Variants in MBOAT2 observed in about 807,000 individuals in gnomAD.
The protein encoded by MBOAT2 is membrane-bound glycerophospholipid O-acyltransferase 2.
MBOAT2 carries 28 observed loss-of-function variants against 63.4 expected under a neutral mutation model. That is an observed-to-expected ratio of 0.44 (90% confidence interval 0.33 to 0.61). The LOEUF is 0.61. MBOAT2 is among the 20% of genes least tolerant of loss of function. MBOAT2 has a pLI of 0.03. For missense variants in MBOAT2, 470 were observed against 605.8 expected, an observed-to-expected ratio of 0.78 and a Z score of 2.35; for synonymous variants, 211 against 215.6, an observed-to-expected ratio of 0.98 and a Z score of 0.19.
Position 8,862,204 on chromosome 2 carries a change from C to G in MBOAT2, c.1185+386G>C. On this transcript the variant is annotated intron_variant, in intron 11 of 12. Coordinates refer to ENST00000305997, the MANE Select transcript of MBOAT2 (RefSeq NM_138799.4). This position sits in a 1 kb window ranked among gnomAD's most constrained non-coding sequence, Gnocchi z 4.3. Reference sequence around the variant, plus strand: ...ATCCACTGTCTTGGCCTCGCACAGCCTAGTCTTCATCTGAGAGAGGACTCA... The same window carrying G: ...ATCCACTGTCTTGGCCTCGCACAGCGTAGTCTTCATCTGAGAGAGGACTCA... The G allele has an allele frequency of 1.0e-6, 1 of 959,616 alleles. No homozygotes were observed. Among genetic ancestry groups the G allele is most frequent in the Non-Finnish European group, 1.4e-6 (1 of 715,658 alleles). 59.4% of individuals were successfully genotyped at this position (959,616 alleles called of 1,614,324 possible).
At chr2:8,953,053 C>T (rs1668955666) in intron 2 of MBOAT2, among the ~76,000 whole-genome samples, 1 of 152,132 alleles carries the variant, frequency 6.6e-6, no homozygotes, top group South Asian at 2.1e-4. Flanking sequence ...TGTGTGGCTG[C>T]TTTACAGGGT....
At chr2:8,902,580 G>T (rs1665033300) in intron 4 of MBOAT2, among the ~76,000 whole-genome samples, 1 of 152,012 alleles carries the variant, frequency 6.6e-6, no homozygotes, top group South Asian at 2.1e-4. Context: ...GGTGCGTCTG[G>T]AGTTGTTCAT....
At chr2:8,958,425 T>A in intron 2 of MBOAT2, 72 bp downstream of exon 2, 1 of 1,381,932 alleles carries the variant, frequency 7.2e-7, no homozygotes, top group Non-Finnish European at 9.6e-7. Context: ...ACATAATGTA[T>A]CTTTCCACAC....
At chr2:8,873,939 G>A (rs972732772) in intron 7 of MBOAT2, among the ~76,000 whole-genome samples, 2 of 152,150 alleles carry the variant, frequency 1.3e-5, no homozygotes, top group African/African-American at 4.8e-5. Flanking sequence ...AACTCATGCT[G>A]TTTTTATATT....
intron 4 of MBOAT2, among the ~76,000 whole-genome samples, chr2:8,893,744 G>C (rs1664197729): frequency 6.6e-6 from 1 of 152,250 alleles, no homozygotes; most frequent in African/African-American, 2.4e-5. Flanking sequence ...TGCACAGAGA[G>C]AGCTGAGGGA....
intron 1 of MBOAT2, among the ~76,000 whole-genome samples, chr2:9,000,943 T>C (rs949944538): frequency 1.3e-5 from 2 of 152,210 alleles, no homozygotes; most frequent in African/African-American, 4.8e-5. Flanking sequence ...TTTATATCCT[T>C]ATTCTATCGG....
In MBOAT2 at chr2:8,862,185, T is replaced by C; in HGVS notation, c.1185+405A>G. The C allele has an allele frequency of 1.5e-6, 1 of 685,098 alleles. No homozygotes were observed. The highest frequency in any genetic ancestry group is 2.1e-6 in the Non-Finnish European group (1 of 485,086). The allele number at this position is 685,098 out of a possible 1,614,324, so 42.4% of individuals were successfully genotyped here. A position where few individuals can be genotyped will look rare whatever the true frequency, so the allele number is the denominator to read the frequency against. On this transcript the variant is annotated intron_variant, in intron 11 of 12. Transcript: ENST00000305997. This position sits in a 1 kb window ranked among gnomAD's most constrained non-coding sequence, Gnocchi z 4.3. ...TCCTCTTCCAGTGTGGCTCATCCACTGTCTTGGCCTCGCACAGCCTAGTCT... is the reference window on the plus strand; with the variant it reads ...TCCTCTTCCAGTGTGGCTCATCCACCGTCTTGGCCTCGCACAGCCTAGTCT...
intron 2 of MBOAT2, among the ~76,000 whole-genome samples, chr2:8,950,776 T>C (rs1055429591): frequency 1.3e-5 from 2 of 152,214 alleles, no homozygotes; most frequent in Admixed American, 1.3e-4. Context: ...TGTGGGCTTA[T>C]CATTGATGGC....
At chr2:8,912,515 C>T (rs868551623) in intron 3 of MBOAT2, among the ~76,000 whole-genome samples, 4 of 152,072 alleles carry the variant, frequency 2.6e-5, no homozygotes, top group Non-Finnish European at 5.9e-5. Context: ...ACAAGATTAA[C>T]GTACACAAAT....
At chr2:8,904,147 G>C (rs969747156) in intron 4 of MBOAT2, among the ~76,000 whole-genome samples, 3 of 151,704 alleles carry the variant, frequency 2.0e-5, no homozygotes, top group Non-Finnish European at 4.4e-5. Flanking sequence ...GCTAATTTTT[G>C]TATTTTTAGT....
chr2:8,929,412 C>T (rs1208321825), intron 3 of MBOAT2, among the ~76,000 whole-genome samples: 1 of 152,210 alleles, frequency 6.6e-6, no homozygotes, highest in East Asian at 1.9e-4. Context: ...AGTGCAGTGG[C>T]ACGATCTCAG....
chr2:8,983,847 C>A (rs981919290), intron 1 of MBOAT2, among the ~76,000 whole-genome samples: 1 of 152,096 alleles, frequency 6.6e-6, no homozygotes, highest in Non-Finnish European at 1.5e-5. Context: ...GTACTTGGAA[C>A]TTTTCTGTGA....
intron 1 of MBOAT2, among the ~76,000 whole-genome samples, chr2:8,990,258 T>G (rs1388144939): frequency 6.6e-6 from 1 of 152,186 alleles, no homozygotes; most frequent in Non-Finnish European, 1.5e-5. Flanking sequence ...TACTTTCTCC[T>G]TCATTTCACA....
intron 2 of MBOAT2, among the ~76,000 whole-genome samples, 199 bp from the exon 3 acceptor site, chr2:8,943,463 G>GA (rs1209487282): frequency 2.6e-5 from 4 of 152,176 alleles, no homozygotes; most frequent in Non-Finnish European, 5.9e-5. Context: ...GAGCTGGGGG[G>GA]AAAAAACAAG....
intron 3 of MBOAT2, among the ~76,000 whole-genome samples, chr2:8,912,309 A>AAGAAAG (rs1665778130): frequency 1.1e-5 from 1 of 95,004 alleles, no homozygotes; most frequent in Admixed American, 1.2e-4. Context: ...AAAAGAAAGA[A>AAGAAAG]AGAAAGAAAG....
intron 1 of MBOAT2, among the ~76,000 whole-genome samples, chr2:8,987,848 T>C (rs1407605623): frequency 6.6e-6 from 1 of 152,236 alleles, no homozygotes. Context: ...TTAACAAAAG[T>C]TGTCTCTGGA....
intron 3 of MBOAT2, among the ~76,000 whole-genome samples, chr2:8,930,601 G>A (rs1373762787): frequency 2.0e-5 from 3 of 151,848 alleles, no homozygotes; most frequent in Admixed American, 6.6e-5. Context: ...ACCCAGTAAT[G>A]GGACGGCTGG....
chr2:8,985,489 G>A (rs1447552284), intron 1 of MBOAT2, among the ~76,000 whole-genome samples: 1 of 152,068 alleles, frequency 6.6e-6, no homozygotes, highest in African/African-American at 2.4e-5. Context: ...ACAAACATCT[G>A]AAACTTAACA....
intron 1 of MBOAT2, among the ~76,000 whole-genome samples, chr2:9,002,620 AG>A (rs1672780429): frequency 1.8e-5 from 1 of 56,880 alleles, no homozygotes; most frequent in Admixed American, 2.3e-4. Context: ...CCCGCCCCCC[AG>A]CCCCCGCCTC....
Sources: allele counts gnomAD v4.1 joint callset (sites outside exome capture counted in the v4.1 genomes callset), GRCh38; gene constraint gnomAD v4.1.1; non-coding constraint Gnocchi (gnomAD v3.1); transcripts MANE v1.5; gene names NCBI Gene and HGNC (gene_info 2026-07-23, HGNC 2026-07-21).